Variants in CHD6 observed in about 807,000 individuals in gnomAD.
CHD6 encodes the protein ATP-dependent chromatin remodeler CHD6.
CHD6 carries 50 observed loss-of-function variants against 276.9 expected under a neutral mutation model. The ratio of observed to expected loss-of-function variants is 0.18; its 90% CI spans 0.14 to 0.23. The LOEUF is 0.23. Ranked by LOEUF, CHD6 falls within the 10% of genes least tolerant of loss-of-function variation. The pLI is 1.00. For synonymous variants in CHD6, 1,173 were observed against 1,229.3 expected (o/e 0.95, Z 0.96); for missense variants, 2,564 against 3,365.8 (o/e 0.76, Z 5.89).
chr20:41,617,809 A>G (rs537495906), intron 1 of CHD6, among the ~76,000 whole-genome samples: 3 of 148,326 alleles, frequency 2.0e-5, no homozygotes, highest in African/African-American at 7.5e-5. Context: ...GCCTGGCACC[A>G]GCCCACCCTC....
chr20:41,509,207 C>T (rs1248122392), intron 5 of CHD6, among the ~76,000 whole-genome samples: 3 of 151,986 alleles, frequency 2.0e-5, no homozygotes, highest in Non-Finnish European at 4.4e-5. Context: ...TCAATCTAGA[C>T]TTAGGGAATA....
chr20:41,556,054 A>G (rs2045230343), intron 1 of CHD6, among the ~76,000 whole-genome samples: 2 of 152,238 alleles, frequency 1.3e-5, no homozygotes, highest in Non-Finnish European at 2.9e-5. Context: ...GCTGGAGACC[A>G]GCCCGGCCAA....
At chr20:41,450,538 A>C (rs552679222) in intron 23 of CHD6, among the ~76,000 whole-genome samples, 2 of 152,094 alleles carry the variant, frequency 1.3e-5, no homozygotes, top group South Asian at 4.2e-4. Context: ...TCTCAAATGC[A>C]TGCCTATCAA....
rs557883292 is a variant in CHD6, at chr20:41,513,110, A to G, written c.703-115T>C. On this transcript the variant is annotated intron_variant, in intron 4 of 36. Coordinates refer to ENST00000373233, the MANE Select transcript of CHD6 (RefSeq NM_032221.5). ...CCAAGGAGTGCTTTCTTGCCTTACA[A>G]AAGAAATCTTTCTTAAATACAACTC... 1.8e-5 allele frequency: 20 copies of G among 1,128,728 alleles called. No homozygotes were observed. The East Asian group carries it at 4.7e-4, about 27-fold the overall frequency. 69.9% of individuals were successfully genotyped at this position (1,128,728 alleles called of 1,614,324 possible).
chr20:41,462,750 A>G (rs2042831684), intron 17 of CHD6, among the ~76,000 whole-genome samples: 1 of 152,250 alleles, frequency 6.6e-6, no homozygotes, highest in African/African-American at 2.4e-5. Flanking sequence ...TTACGTATGC[A>G]TTTGTGTCTA....
chr20:41,593,014 A>G (rs1254237488), intron 1 of CHD6, among the ~76,000 whole-genome samples: 4 of 152,164 alleles, frequency 2.6e-5, no homozygotes, highest in African/African-American at 7.2e-5. Flanking sequence ...TCCTTAAACA[A>G]GAAAGAAAAA....
chr20:41,500,215 C>T (rs1056877018), intron 5 of CHD6, among the ~76,000 whole-genome samples: 2 of 152,152 alleles, frequency 1.3e-5, no homozygotes, highest in African/African-American at 2.4e-5. Flanking sequence ...AACAATGAAA[C>T]TGCCAAATTC....
chr20:41,543,607 TGTA>T lies in CHD6; in HGVS notation c.33+7695_33+7697del, dbSNP rs139379494. On this transcript the variant is annotated intron_variant, in intron 2 of 36. Transcript: ENST00000373233. ...ATTAAGTGGACATATATTAAATAAA[TGTA>T]GTAGGACATATATTAAATAAATGAT... 3.6e-3 allele frequency among the ~76,000 whole-genome samples: 554 copies of T among 152,306 alleles called. 1 individual carries two copies. The highest frequency in any genetic ancestry group is 0.013 in the African/African-American group (526 of 41,562).
chr20:41,587,723 T>A (rs1428406461), intron 1 of CHD6, among the ~76,000 whole-genome samples: 1 of 152,132 alleles, frequency 6.6e-6, no homozygotes, highest in Non-Finnish European at 1.5e-5. Flanking sequence ...CTCCTATTAA[T>A]AACGCAGTGA....
chr20:41,407,702 G>A (rs2046719860), intron 36 of CHD6, among the ~76,000 whole-genome samples: 1 of 152,184 alleles, frequency 6.6e-6, no homozygotes, highest in South Asian at 2.1e-4. Context: ...GTGTGTGGTG[G>A]GCCCCAAATG....
chr20:41,579,437 CAAAAAA>C (rs574347177), intron 1 of CHD6, among the ~76,000 whole-genome samples: 1 of 69,976 alleles, frequency 1.4e-5, no homozygotes. Context: ...GACTCTGTCT[CAAAAAA>C]AAAAAAAAAA....
chr20:41,555,043 C>T (rs2045203662), intron 1 of CHD6, among the ~76,000 whole-genome samples: 1 of 148,134 alleles, frequency 6.8e-6, no homozygotes, highest in Non-Finnish European at 1.5e-5. Flanking sequence ...GACGGGGCGG[C>T]TGGCCGGGTG....
chr20:41,508,546 G>A (rs572707038), intron 5 of CHD6, among the ~76,000 whole-genome samples: 1 of 152,220 alleles, frequency 6.6e-6, no homozygotes, highest in Non-Finnish European at 1.5e-5. Context: ...CACAGGGGGT[G>A]GCAGCAGAAA....
intron 5 of CHD6, among the ~76,000 whole-genome samples, chr20:41,504,167 GCT>G (rs1601027267): frequency 7.2e-6 from 1 of 139,816 alleles, no homozygotes; most frequent in South Asian, 2.3e-4. Flanking sequence ...TTTACCTTTT[GCT>G]CTGTTTGATT....
chr20:41,567,593 G>T (rs1316739710), intron 1 of CHD6, among the ~76,000 whole-genome samples: 1 of 151,700 alleles, frequency 6.6e-6, no homozygotes, highest in Non-Finnish European at 1.5e-5. Flanking sequence ...GTGGCTTGTG[G>T]TTCAGGTACT....
At chr20:41,499,191 A>C (rs898048863) in intron 6 of CHD6, 104 bp downstream of exon 6, 21 of 805,792 alleles carry the variant, frequency 2.6e-5, no homozygotes, top group Non-Finnish European at 3.5e-5. Context: ...CCTAGCTCTC[A>C]CTCCAGCCAA....
chr20:41,532,651 T>A (rs1274840874), intron 3 of CHD6, among the ~76,000 whole-genome samples: 1 of 152,234 alleles, frequency 6.6e-6, no homozygotes, highest in Non-Finnish European at 1.5e-5. Flanking sequence ...GGTTCATTTT[T>A]GGCTGAAAGC....
chr20:41,461,096 G>C (rs1015691894), intron 17 of CHD6, among the ~76,000 whole-genome samples: 2 of 152,156 alleles, frequency 1.3e-5, no homozygotes, highest in African/African-American at 4.8e-5. Context: ...GGCCCCCTTT[G>C]TTTTGGCCAA....
intron 3 of CHD6, among the ~76,000 whole-genome samples, chr20:41,530,422 AT>A (rs1010554728): frequency 3.9e-5 from 6 of 152,218 alleles, no homozygotes; most frequent in African/African-American, 1.4e-4. Flanking sequence ...TAAGTGAGTC[AT>A]TTATAACCAT....
Sources: gnomAD v4.1 joint callset for allele counts (sites outside exome capture counted in the v4.1 genomes callset) on GRCh38, gnomAD v4.1.1 for gene constraint, MANE v1.5 for transcripts, NCBI Gene and HGNC (gene_info 2026-07-23, HGNC 2026-07-21) for gene names.